Variants in ABCC4 observed in about 807,000 individuals in gnomAD.
The protein encoded by ABCC4 is ATP binding cassette subfamily C member 4 (PEL blood group), also known as ATP-binding cassette sub-family C member 4.
Under a neutral mutation model 168.5 loss-of-function variants are expected in ABCC4, and 102 were observed. The ratio of observed to expected loss-of-function variants is 0.61; its 90% CI spans 0.52 to 0.71. ABCC4 has a LOEUF of 0.71. Among genes scored for constraint, ABCC4 ranks in the 30% least tolerant of loss-of-function variants. The pLI is 0.00. For missense variants in ABCC4, 1,402 were observed against 1,605.8 expected (o/e 0.87, Z 2.17); for synonymous variants, 617 against 590.7 (o/e 1.04, Z -0.65).
chr13:95,190,092 C>T (rs972343171), intron 9 of ABCC4, among the ~76,000 whole-genome samples: 1 of 151,886 alleles, frequency 6.6e-6, no homozygotes, highest in Non-Finnish European at 1.5e-5. Context: ...TGCCTGTAAT[C>T]CCAACATTTT....
rs777632365 is a variant in ABCC4, at chr13:95,071,822, G to T, written c.3050C>A (p.Thr1017Lys). The T allele has an allele frequency of 1.3e-6, 2 of 1,593,718 alleles. No homozygotes were observed. The highest frequency in any genetic ancestry group is 1.7e-6 in the Non-Finnish European group (2 of 1,172,094). ...MISVERVIEY[T>K]DLEKEAPWEY... ...CCAAGGTGCTTCTTTTTCAAGGTCT[G>T]TGTATTCAATGACCCTTTCTACTGA... The change falls in exon 25 of 31, where the codon ACA becomes AAA. Residue 1017 changes from threonine (T) to lysine (K), a missense_variant. Thr to Lys is a moderately conservative substitution (Grantham distance 78). Around this residue, in one of 3 missense-constraint regions of ABCC4, gnomAD observed 1,007 missense variants for 1,127.3 expected, o/e 0.89. Transcript: ENST00000645237.
At chr13:95,082,672 C>T (rs1321984835) in intron 21 of ABCC4, among the ~76,000 whole-genome samples, 1 of 152,166 alleles carries the variant, frequency 6.6e-6, no homozygotes, top group African/African-American at 2.4e-5. Flanking sequence ...TTGCTTCTGA[C>T]ACCTCTTTTC....
intron 20 of ABCC4, among the ~76,000 whole-genome samples, chr13:95,084,664 A>G (rs2139336296): frequency 6.6e-6 from 1 of 152,214 alleles, no homozygotes; most frequent in South Asian, 2.1e-4. Context: ...TAACACTTGG[A>G]TATGCATTAA....
intron 22 of ABCC4, among the ~76,000 whole-genome samples, chr13:95,074,784 C>T (rs1218130773): frequency 6.6e-6 from 1 of 152,114 alleles, no homozygotes; most frequent in Non-Finnish European, 1.5e-5. Flanking sequence ...AATGACCTCA[C>T]TAACAGGATT....
At chr13:95,118,865 C>A (rs1305503859) in intron 19 of ABCC4, among the ~76,000 whole-genome samples, 1 of 152,178 alleles carries the variant, frequency 6.6e-6, no homozygotes, top group African/African-American at 2.4e-5. Context: ...TCTGCCCTTA[C>A]AACCATACAA....
intron 8 of ABCC4, among the ~76,000 whole-genome samples, 190 bp from the exon 9 acceptor site, chr13:95,195,127 C>T (rs1047143682): frequency 6.6e-6 from 1 of 152,120 alleles, no homozygotes; most frequent in African/African-American, 2.4e-5. Flanking sequence ...GTAAAGAGTT[C>T]ATGGCCATGA....
chr13:95,186,155 A>AT (rs1025590323), intron 11 of ABCC4, among the ~76,000 whole-genome samples: 19 of 150,704 alleles, frequency 1.3e-4, no homozygotes, highest in South Asian at 8.3e-4. Context: ...AATTCTGGTG[A>AT]TTTTTTTTCT....
intron 19 of ABCC4, among the ~76,000 whole-genome samples, chr13:95,159,334 G>A (rs972153040): frequency 4.0e-5 from 6 of 151,352 alleles, no homozygotes; most frequent in African/African-American, 1.5e-4. Context: ...TAAACATTTT[G>A]GACAAAGTAG....
In ABCC4 at chr13:95,217,787, G is replaced by A. The variant is rs148501523; in HGVS notation, c.532-7006C>T. On this transcript the variant is annotated intron_variant, in intron 4 of 30. Transcript: ENST00000645237. ...GCAAACCGCAGTTCATCACCTTCAC[G>A]ATGCAAATTCCTCACAACAATATGG... 1.0e-3 allele frequency among the ~76,000 whole-genome samples: 155 copies of A among 152,134 alleles called. 1 individual carries two copies. The highest frequency in any genetic ancestry group is 6.8e-3 in the Middle Eastern group (2 of 294).
rs1389754713 is a variant in ABCC4 at position 95,186,894 on chromosome 13, T to C, written c.1354-2A>G. ...GAGCACGGCACTTAACAGTGATGAC[T>C]GAAACAGATTGTAAAAAAGCACATG... On this transcript the variant is annotated splice_acceptor_variant, in intron 10 of 30. Coordinates refer to ENST00000645237, the MANE Select transcript of ABCC4 (RefSeq NM_005845.5). LOFTEE classifies it high-confidence loss of function. The C allele has an allele frequency of 6.2e-7, 1 of 1,600,632 alleles. No individual in the cohort carries two copies. The highest frequency in any genetic ancestry group is 1.1e-5 in the South Asian group (1 of 88,884).
At chr13:95,268,835 G>A (rs1003796193) in intron 1 of ABCC4, among the ~76,000 whole-genome samples, 2 of 152,008 alleles carry the variant, frequency 1.3e-5, no homozygotes, top group Admixed American at 6.6e-5. Flanking sequence ...CTCAGAGACC[G>A]GTGCCTGGGG....
At chr13:95,260,077 A>C (rs1036797348) in intron 1 of ABCC4, among the ~76,000 whole-genome samples, 1 of 152,176 alleles carries the variant, frequency 6.6e-6, no homozygotes, top group Admixed American at 6.5e-5. Context: ...AGGAACTCTG[A>C]GAGTGGGGCC....
chr13:95,283,998 G>A (rs1222639375), intron 1 of ABCC4, among the ~76,000 whole-genome samples: 9 of 151,504 alleles, frequency 5.9e-5, no homozygotes, highest in African/African-American at 1.9e-4. Flanking sequence ...TCGGGAGTTC[G>A]AGACCAGCCT....
At chr13:95,077,631 C>T (rs771456656) in intron 21 of ABCC4, among the ~76,000 whole-genome samples, 6 of 148,150 alleles carry the variant, frequency 4.0e-5, no homozygotes, top group Admixed American at 6.7e-5. Flanking sequence ...AGCCACCGTG[C>T]GTGGCCAATC....
At chr13:95,075,335 C>T in intron 22 of ABCC4, 97 bp downstream of exon 22, 3 of 1,541,440 alleles carry the variant, frequency 1.9e-6, no homozygotes, top group Non-Finnish European at 2.6e-6. Context: ...GGGCTGGGCC[C>T]TGAGGTGCCT....
rs369603098 is a variant in ABCC4, at chr13:95,080,388, T to A, written c.2686+2752A>T. Among the ~76,000 whole-genome samples the A allele has an allele frequency of 3.7e-4, 24 of 64,508 alleles. No individual in the cohort carries two copies. The South Asian group carries it at 4.5e-3, about 12-fold the overall frequency. The allele number at this position is 64,508 out of a possible 152,430, so 42.3% of individuals were successfully genotyped here. Reference sequence around the variant, plus strand: ...ATGATCAACTGCAGATTTGTTTTTGTTTTTTGTTTTGTTTTGTTTTGTTTT... The same window carrying A: ...ATGATCAACTGCAGATTTGTTTTTGATTTTTGTTTTGTTTTGTTTTGTTTT... On this transcript the variant is annotated intron_variant, in intron 21 of 30. Transcript: ENST00000645237.
At chr13:95,174,394 T>A (rs571408121) in intron 13 of ABCC4, among the ~76,000 whole-genome samples, 1 of 152,356 alleles carries the variant, frequency 6.6e-6, no homozygotes, top group Admixed American at 6.5e-5. Context: ...TATTGTTCAA[T>A]CCAATTTTCT....
chr13:95,101,124 C>G (rs185716621), intron 20 of ABCC4, among the ~76,000 whole-genome samples: 13 of 152,152 alleles, frequency 8.5e-5, no homozygotes, highest in Admixed American at 2.6e-4. Flanking sequence ...CCTCCCACCC[C>G]CCTAGGGAAG....
intron 19 of ABCC4, among the ~76,000 whole-genome samples, chr13:95,149,579 G>A (rs1361063776): frequency 6.6e-6 from 1 of 151,930 alleles, no homozygotes; most frequent in East Asian, 1.9e-4. Context: ...TTTTAAAAAA[G>A]CAACCATTTC....
Sources: gnomAD v4.1 joint callset for allele counts (sites outside exome capture counted in the v4.1 genomes callset) on GRCh38, gnomAD v4.1.1 for gene constraint, gnomAD v4.1.1 regional missense constraint, MANE v1.5 for transcripts, NCBI Gene and HGNC (gene_info 2026-07-23, HGNC 2026-07-21) for gene names.